PRDM2: variants seen among roughly 807,000 people sequenced by gnomAD.
PRDM2 encodes PR/SET domain 2, also known as PR domain zinc finger protein 2.
In PRDM2, 30 loss-of-function variants were observed where a neutral mutation model predicts 130.0. The ratio of observed to expected loss-of-function variants is 0.23; its 90% CI spans 0.17 to 0.31. The LOEUF is 0.31. PRDM2 is among the 10% of genes least tolerant of loss of function. PRDM2 has a pLI of 1.00. For missense variants in PRDM2, 2,011 were observed against 2,108.4 expected (o/e 0.95, Z 0.90); for synonymous variants, 871 against 782.4 (o/e 1.11, Z -1.89).
chr1:13,796,343 A>G (rs1243084310), intron 8 of PRDM2, among the ~76,000 whole-genome samples: 1 of 152,198 alleles, frequency 6.6e-6, no homozygotes, highest in Non-Finnish European at 1.5e-5. Flanking sequence ...TGGTCCTGTT[A>G]ATATCATATG....
chr1:13,712,232 A>C (rs1642394534), intron 1 of PRDM2, among the ~76,000 whole-genome samples: 1 of 152,128 alleles, frequency 6.6e-6, no homozygotes, highest in Admixed American at 6.5e-5. Context: ...TCCAGAAAAA[A>C]AGAAGAACAT....
intron 8 of PRDM2, among the ~76,000 whole-genome samples, chr1:13,810,231 G>A (rs979489272): frequency 3.3e-5 from 5 of 152,120 alleles, no homozygotes; most frequent in Non-Finnish European, 5.9e-5. Context: ...CATGGAACCC[G>A]GGACATCATG....
intron 9 of PRDM2, among the ~76,000 whole-genome samples, chr1:13,819,584 T>C (rs1260543561): frequency 6.6e-6 from 1 of 152,248 alleles, no homozygotes. Flanking sequence ...AATCTCTTTA[T>C]ACTGTTTGCC....
At chr1:13,723,775 C>T (rs1209633912) in intron 2 of PRDM2, among the ~76,000 whole-genome samples, 2 of 152,210 alleles carry the variant, frequency 1.3e-5, no homozygotes, top group African/African-American at 4.8e-5. Context: ...GGCTGTACTG[C>T]TCTTACAGCC....
intron 5 of PRDM2, among the ~76,000 whole-genome samples, chr1:13,747,491 T>G (rs1360672740): frequency 1.3e-5 from 2 of 151,788 alleles, no homozygotes; most frequent in East Asian, 3.9e-4. Flanking sequence ...TTTGGTTAGA[T>G]TTAACTGGTT....
At chr1:13,739,906 A>C (rs1458606420) in intron 4 of PRDM2, among the ~76,000 whole-genome samples, 1 of 152,194 alleles carries the variant, frequency 6.6e-6, no homozygotes, top group Non-Finnish European at 1.5e-5. Context: ...CCCATTTAAA[A>C]GGTTAAAATT....
In PRDM2 at chr1:13,722,916, T is replaced by A. The variant is rs1454528195; in HGVS notation, c.9+7302T>A. 8 of 493,574 alleles carry A rather than the reference T, an allele frequency of 1.6e-5. No homozygotes were observed. In the Admixed American group the frequency reaches 1.7e-4, roughly 10 times the overall value. 30.6% of individuals were successfully genotyped at this position (493,574 alleles called of 1,614,324 possible). A position where few individuals can be genotyped will look rare whatever the true frequency, so the allele number is the denominator to read the frequency against. On this transcript the variant is annotated intron_variant, in intron 2 of 9. Transcript: ENST00000311066. ...CAGAGAAGTTGAATGTAGAGTAGCC[T>A]AGATGCCAGAAAGCCTCACCCCATC... is the stretch of plus-strand genomic sequence containing the variant.
At chr1:13,810,588 G>A (rs1241849424) in intron 8 of PRDM2, among the ~76,000 whole-genome samples, 1 of 151,772 alleles carries the variant, frequency 6.6e-6, no homozygotes, top group African/African-American at 2.4e-5. Flanking sequence ...TCTGCCTCTG[G>A]GGTTCACACC....
At position 13,780,984 on chromosome 1, in the gene PRDM2, G is replaced by A. The variant is rs538307463; in HGVS notation, c.3189G>A (p.Ser1063=). The A allele has an allele frequency of 1.4e-5, 22 of 1,599,436 alleles. No homozygotes were observed. In the Admixed American group the frequency reaches 1.5e-4, roughly 11 times the overall value. ...SSSSSSSSSS[S]FSSSSSSSSP... ...CCTCTTCATCTTCCTCCTCCTCTTC[G>A]TTTTCTTCTTCATCTTCCTCCTCTT... is the stretch of plus-strand genomic sequence containing the variant. Residue 1063 remains serine, a synonymous_variant, in exon 8 of 10, where the codon TCG becomes TCA. Coordinates refer to ENST00000311066, the MANE Select transcript of PRDM2 (RefSeq NM_001393986.1).
intron 6 of PRDM2, among the ~76,000 whole-genome samples, chr1:13,765,617 G>C (rs1479378301): frequency 2.0e-5 from 3 of 151,970 alleles, no homozygotes; most frequent in African/African-American, 4.8e-5. Flanking sequence ...AGGCGCGGTG[G>C]TACCGCGCCT....
chr1:13,756,358 T>G (rs1242102422), intron 6 of PRDM2, among the ~76,000 whole-genome samples: 1 of 152,122 alleles, frequency 6.6e-6, no homozygotes, highest in Non-Finnish European at 1.5e-5. Context: ...TTAAATGTTG[T>G]ATGGTGAACT....
At chr1:13,820,256 C>A (rs1282804519) in intron 9 of PRDM2, among the ~76,000 whole-genome samples, 1 of 152,178 alleles carries the variant, frequency 6.6e-6, no homozygotes, top group Non-Finnish European at 1.5e-5. Context: ...CCTGCTCTTG[C>A]CCATTCCGGA....
intron 6 of PRDM2, among the ~76,000 whole-genome samples, chr1:13,750,877 GTTTC>G (rs1269243317): frequency 6.6e-6 from 1 of 151,484 alleles, no homozygotes; most frequent in African/African-American, 2.4e-5. Flanking sequence ...AATTCAACTT[GTTTC>G]TTTATTTAGT....
Position 13,789,380 on chromosome 1 carries a change from G to C in PRDM2, c.5036+6549G>C, listed in dbSNP as rs1474457804. Among the ~76,000 whole-genome samples the C allele has an allele frequency of 2.6e-5, 4 of 152,188 alleles. No homozygotes were observed. The East Asian group carries it at 7.7e-4, about 29-fold the overall frequency. On this transcript the variant is annotated intron_variant, in intron 8 of 9. Transcript: ENST00000311066. The stretch of plus-strand genomic sequence containing the variant: ...TTAATGTATTGAGTACTTAATGTAT[G>C]CCTGGCTGTGTTGTAGGTGCTTAGG...
intron 5 of PRDM2, among the ~76,000 whole-genome samples, chr1:13,744,640 A>AATAT (rs544581060): frequency 1.3e-5 from 2 of 149,684 alleles, no homozygotes; most frequent in East Asian, 1.9e-4. Flanking sequence ...TAAACAAGCC[A>AATAT]ATATATATAT....
chr1:13,804,391 C>A (rs1246025174), intron 8 of PRDM2, among the ~76,000 whole-genome samples: 1 of 152,198 alleles, frequency 6.6e-6, no homozygotes, highest in Non-Finnish European at 1.5e-5. Flanking sequence ...AGCAGCAGCT[C>A]CTCTCCAGGC....
chr1:13,807,319 T>C (rs1055949698), intron 8 of PRDM2, among the ~76,000 whole-genome samples: 1 of 152,216 alleles, frequency 6.6e-6, no homozygotes, highest in African/African-American at 2.4e-5. Context: ...ACCTGACAAA[T>C]AGTAGATGAC....
At chr1:13,768,955 G>A (rs1185310669) in intron 6 of PRDM2, 1 of 182,730 alleles carries the variant, frequency 5.5e-6, no homozygotes, top group African/African-American at 2.4e-5. Context: ...TGAGCACCTT[G>A]ATGCAGTAGA....
At chr1:13,731,468 G>T (rs1010815951) in intron 3 of PRDM2, among the ~76,000 whole-genome samples, 3 of 152,118 alleles carry the variant, frequency 2.0e-5, no homozygotes, top group Admixed American at 2.0e-4. Context: ...GAGCATGATT[G>T]TACCATTATA....
Sources: gnomAD v4.1 joint callset for allele counts (sites outside exome capture counted in the v4.1 genomes callset) on GRCh38, gnomAD v4.1.1 for gene constraint, MANE v1.5 for transcripts, NCBI Gene and HGNC (gene_info 2026-07-23, HGNC 2026-07-21) for gene names.